The following MUSK variants were observed in gnomAD, a reference collection of about 807,000 sequenced individuals.
The protein encoded by MUSK is muscle, skeletal receptor tyrosine-protein kinase.
MUSK carries 55 observed loss-of-function variants against 88.7 expected under a neutral mutation model. The ratio of observed to expected loss-of-function variants is 0.62; its 90% CI spans 0.50 to 0.78. The LOEUF (loss-of-function observed/expected upper bound fraction) is 0.78, where lower values mean the gene tolerates loss of function less well. Ranked by LOEUF, MUSK falls within the 30% of genes least tolerant of loss-of-function variation. The pLI is 0.00. For missense variants in MUSK, 1,015 were observed against 1,074.3 expected (o/e 0.94, Z 0.77); for synonymous variants, 387 against 391.9 (o/e 0.99, Z 0.15).
chr9:110,779,088 G>GT (rs980593314), intron 11 of MUSK, among the ~76,000 whole-genome samples: 73 of 150,156 alleles, frequency 4.9e-4, no homozygotes, highest in African/African-American at 1.7e-3. Context: ...GTGTGTCTGT[G>GT]TAAAACTCAT....
chr9:110,738,961 A>G (rs1263910202), intron 6 of MUSK, among the ~76,000 whole-genome samples: 2 of 152,138 alleles, frequency 1.3e-5, no homozygotes, highest in African/African-American at 2.4e-5. Context: ...CAGTCCCCCA[A>G]AAAGTCATCT....
At chr9:110,732,821 A>G (rs1281867011) in intron 5 of MUSK, among the ~76,000 whole-genome samples, 4 of 152,052 alleles carry the variant, frequency 2.6e-5, no homozygotes, top group Non-Finnish European at 4.4e-5. Context: ...CCACATTTCT[A>G]TATCTAAAAT....
At chr9:110,734,854 A>C (rs2077009247) in intron 6 of MUSK, among the ~76,000 whole-genome samples, 1 of 152,050 alleles carries the variant, frequency 6.6e-6, no homozygotes, top group South Asian at 2.1e-4. Context: ...ACATACATTT[A>C]TTTATTTATT....
chr9:110,761,634 C>T (rs1337682538), intron 7 of MUSK, among the ~76,000 whole-genome samples: 3 of 122,786 alleles, frequency 2.4e-5, no homozygotes, highest in African/African-American at 9.4e-5. Flanking sequence ...AGTGCACTGG[C>T]GCGATCTTGG....
chr9:110,742,326 CAT>C (rs1206377393), intron 6 of MUSK, among the ~76,000 whole-genome samples: 1 of 152,020 alleles, frequency 6.6e-6, no homozygotes, highest in East Asian at 1.9e-4. Flanking sequence ...CGTGGTGGCA[CAT>C]GTCTGTAGTC....
At chr9:110,791,344 G>A (rs1286727351) in intron 14 of MUSK, among the ~76,000 whole-genome samples, 3 of 125,516 alleles carry the variant, frequency 2.4e-5, no homozygotes, top group African/African-American at 9.4e-5. Flanking sequence ...CAAAGAAAGG[G>A]GTGACGGACG....
chr9:110,690,895 C>T (rs188077857), intron 3 of MUSK, among the ~76,000 whole-genome samples: 20 of 141,326 alleles, frequency 1.4e-4, no homozygotes, highest in East Asian at 4.1e-4. Flanking sequence ...TTTTTTGAGA[C>T]GGAGTCTCGC....
rs181414071 is a variant in MUSK at position 110,714,530 on chromosome 9, A to G, written c.628+17064A>G. ...GGAGCCACAGTGGGTAAACCTCTTC[A>G]GGCATTGCCCTGCTTCAAAGCAGAC... On this transcript the variant is annotated intron_variant, in intron 5 of 14. Transcript: ENST00000374448. Among the ~76,000 whole-genome samples, 6 of 152,304 alleles carry G rather than the reference A, an allele frequency of 3.9e-5. No homozygotes were observed. The East Asian group carries it at 9.7e-4, about 25-fold the overall frequency.
At chr9:110,774,421 A>C (rs1387186385) in intron 9 of MUSK, among the ~76,000 whole-genome samples, 2 of 152,218 alleles carry the variant, frequency 1.3e-5, no homozygotes. Context: ...AGTGCATGGC[A>C]ATGAAAACAA....
At chr9:110,746,327 C>T (rs2077174292) in intron 6 of MUSK, among the ~76,000 whole-genome samples, 1 of 152,168 alleles carries the variant, frequency 6.6e-6, no homozygotes, top group Non-Finnish European at 1.5e-5. Context: ...AATGCCACCA[C>T]CTTAACAATG....
intron 5 of MUSK, among the ~76,000 whole-genome samples, chr9:110,730,132 T>G (rs1298197667): frequency 6.6e-6 from 1 of 152,028 alleles, no homozygotes; most frequent in Non-Finnish European, 1.5e-5. Context: ...AGCCTGCAAG[T>G]CTGCTCAAGA....
intron 4 of MUSK, 107 bp downstream of exon 4, chr9:110,695,637 C>G: frequency 1.1e-6 from 1 of 896,688 alleles, no homozygotes; most frequent in African/African-American, 1.7e-5. Context: ...AAAGTAGTTT[C>G]CATGTACATT....
At chr9:110,756,321 C>T (rs1362317440) in intron 7 of MUSK, among the ~76,000 whole-genome samples, 2 of 151,838 alleles carry the variant, frequency 1.3e-5, no homozygotes, top group African/African-American at 4.8e-5. Context: ...AATCCCCAGT[C>T]CTTGATCTCA....
intron 7 of MUSK, among the ~76,000 whole-genome samples, chr9:110,749,701 C>A (rs2077224175): frequency 6.6e-6 from 1 of 152,116 alleles, no homozygotes; most frequent in Non-Finnish European, 1.5e-5. Context: ...TCATGAAGGT[C>A]TGAACAGCAG....
chr9:110,744,369 G>C (rs1008325058), intron 6 of MUSK, among the ~76,000 whole-genome samples: 2 of 152,186 alleles, frequency 1.3e-5, no homozygotes, highest in Admixed American at 6.5e-5. Flanking sequence ...GTCTTCCCTA[G>C]CTAAGGTCAA....
rs986421684 is a variant in MUSK at position 110,679,730 on chromosome 9, T to C, written c.80-2944T>C. Among the ~76,000 whole-genome samples the C allele has an allele frequency of 3.9e-5, 6 of 152,074 alleles. No individual in the cohort carries two copies. In the East Asian group the frequency reaches 1.2e-3, roughly 29 times the overall value. Reference sequence around the variant, plus strand: ...GAATTTTTGAATTTTATTTATTTTTTAGTAGTAACCATTAATAAGGTTTTA... The same window carrying C: ...GAATTTTTGAATTTTATTTATTTTTCAGTAGTAACCATTAATAAGGTTTTA... On this transcript the variant is annotated intron_variant, in intron 1 of 14. Coordinates refer to ENST00000374448, the MANE Select transcript of MUSK (RefSeq NM_005592.4).
chr9:110,690,428 A>G lies in MUSK; in HGVS notation c.358+3160A>G, dbSNP rs2076327564. ...AATATATATATTTAAATATAAATAT[A>G]TATTTCAATATAAGTATATATAAAT... is the stretch of plus-strand genomic sequence containing the variant. On this transcript the variant is annotated intron_variant, in intron 3 of 14. Transcript: ENST00000374448. Among the ~76,000 whole-genome samples the G allele has an allele frequency of 1.9e-5, 2 of 107,438 alleles. 1 individual carries two copies. The highest frequency in any genetic ancestry group is 3.3e-5 in the Non-Finnish European group (2 of 60,054). The allele number at this position is 107,438 out of a possible 152,430, so 70.5% of individuals were successfully genotyped here.
intron 5 of MUSK, among the ~76,000 whole-genome samples, chr9:110,726,176 A>G (rs892792184): frequency 3.9e-5 from 6 of 152,070 alleles, no homozygotes; most frequent in Admixed American, 2.0e-4. Flanking sequence ...AAATTTTGAT[A>G]GTCTATAACT....
At chr9:110,772,198 C>T (rs2131973857) in intron 9 of MUSK, among the ~76,000 whole-genome samples, 1 of 151,346 alleles carries the variant, frequency 6.6e-6, no homozygotes, top group East Asian at 1.9e-4. Context: ...TAAATTTTAT[C>T]TTCATGTGCT....
Sources: allele counts gnomAD v4.1 joint callset (sites outside exome capture counted in the v4.1 genomes callset), GRCh38; gene constraint gnomAD v4.1.1; transcripts MANE v1.5; gene names NCBI Gene and HGNC (gene_info 2026-07-23, HGNC 2026-07-21).